Variants in FAM78B observed in about 807,000 individuals in gnomAD.
FAM78B encodes protein FAM78B.
Under a neutral mutation model 20.0 loss-of-function variants are expected in FAM78B, and 10 were observed. That is an observed-to-expected ratio of 0.50 (90% CI 0.31 to 0.85). The LOEUF (loss-of-function observed/expected upper bound fraction) is 0.85, where lower values mean the gene tolerates loss of function less well. Ranked by LOEUF, FAM78B falls within the 40% of genes least tolerant of loss-of-function variation. The pLI is 0.05. For synonymous variants in FAM78B, 135 were observed against 132.8 expected, an observed-to-expected ratio of 1.02 and a Z score of -0.12; for missense variants, 283 against 345.0, an observed-to-expected ratio of 0.82 and a Z score of 1.42.
At chr1:166,061,573 T>G (rs1651599970) in intron 2 of FAM78B, among the ~76,000 whole-genome samples, 1 of 152,176 alleles carries the variant, frequency 6.6e-6, no homozygotes, top group Non-Finnish European at 1.5e-5. Context: ...CCATTACATA[T>G]ATAATTGGGG....
intron 1 of FAM78B, among the ~76,000 whole-genome samples, chr1:166,141,379 T>C (rs1331834338): frequency 6.6e-6 from 1 of 152,236 alleles, no homozygotes; most frequent in African/African-American, 2.4e-5. Flanking sequence ...ACGCAAGATA[T>C]TCCTCTCCCT....
intron 1 of FAM78B, among the ~76,000 whole-genome samples, chr1:166,111,739 A>T (rs1654066664): frequency 6.6e-6 from 1 of 152,210 alleles, no homozygotes; most frequent in Non-Finnish European, 1.5e-5. Context: ...AGGTCATCAA[A>T]GTTCACAGCA....
At chr1:166,072,477 G>C (rs746409041) in intron 1 of FAM78B, among the ~76,000 whole-genome samples, 25 of 152,170 alleles carry the variant, frequency 1.6e-4, no homozygotes, top group Non-Finnish European at 2.8e-4. Context: ...TTGCAGCTGG[G>C]GGGTAGTAGC....
intron 1 of FAM78B, among the ~76,000 whole-genome samples, chr1:166,164,486 C>G (rs1321298998): frequency 6.6e-6 from 1 of 152,234 alleles, no homozygotes; most frequent in East Asian, 1.9e-4. Flanking sequence ...TTTCTCACAT[C>G]TAGCTGTCTT....
At chr1:166,130,981 CTTTTT>C (rs869158425) in intron 1 of FAM78B, among the ~76,000 whole-genome samples, 1 of 114,064 alleles carries the variant, frequency 8.8e-6, no homozygotes, top group Non-Finnish European at 1.8e-5. Flanking sequence ...TCCCCAGGTG[CTTTTT>C]TTTTTTTTTT....
At chr1:166,107,655 A>G (rs150773185) in intron 1 of FAM78B, among the ~76,000 whole-genome samples, 29 of 152,290 alleles carry the variant, frequency 1.9e-4, no homozygotes, top group African/African-American at 7.0e-4. Flanking sequence ...AGCCAGTATC[A>G]CCCTAATACC....
At chr1:166,109,852 A>ATGTGTG (rs1376275588) in intron 1 of FAM78B, among the ~76,000 whole-genome samples, 6 of 25,448 alleles carry the variant, frequency 2.4e-4, no homozygotes, top group African/African-American at 6.7e-4. Context: ...ATATATATAT[A>ATGTGTG]TATATATATG....
At chr1:166,081,048 T>C (rs929245131) in intron 1 of FAM78B, 3 of 152,250 alleles carry the variant, frequency 2.0e-5, no homozygotes, top group African/African-American at 7.2e-5. Flanking sequence ...TTCCGCACTG[T>C]TTATATCAGA....
chr1:166,150,110 G>A (rs2101797186), intron 1 of FAM78B, among the ~76,000 whole-genome samples: 1 of 152,268 alleles, frequency 6.6e-6, no homozygotes, highest in Middle Eastern at 3.4e-3. Context: ...GCCTCAGGGG[G>A]GGTTTGTGAT....
chr1:166,068,848 T>C (rs1485333332), downstream of FAM78B, among the ~76,000 whole-genome samples: 1 of 152,128 alleles, frequency 6.6e-6, no homozygotes, highest in Non-Finnish European at 1.5e-5. Context: ...AGCTCTTTTT[T>C]TGAGGTGGGG....
chr1:166,068,483 A>G (rs61835072), downstream of FAM78B, among the ~76,000 whole-genome samples: 1,420 of 152,380 alleles, frequency 9.3e-3, 11 homozygotes, highest in Middle Eastern at 0.02. Context: ...TTAACACTAC[A>G]TAATTTGGAG....
In FAM78B at chr1:166,132,156, T is replaced by C. The variant is rs140558339; in HGVS notation, c.263+33830A>G. 2.0e-3 allele frequency among the ~76,000 whole-genome samples: 298 copies of C among 152,316 alleles called. 1 individual carries two copies. Among genetic ancestry groups the C allele is most frequent in the African/African-American group, 6.7e-3 (279 of 41,564 alleles). On this transcript the variant is annotated intron_variant, in intron 1 of 1. Coordinates refer to ENST00000354422, the MANE Select transcript of FAM78B (RefSeq NM_001017961.5). ...CTGTCATCATAAAATAAAGTAAATA[T>C]GACATGTTTAGTGATGTCCTATCAT...
intron 1 of FAM78B, among the ~76,000 whole-genome samples, chr1:166,119,476 C>T (rs548232731): frequency 6.6e-5 from 10 of 152,328 alleles, no homozygotes; most frequent in South Asian, 2.1e-4. Context: ...AGGCCCACAT[C>T]GGGCCTCCGC....
intron 1 of FAM78B, among the ~76,000 whole-genome samples, chr1:166,110,222 C>A (rs1653998191): frequency 6.6e-6 from 1 of 151,512 alleles, no homozygotes; most frequent in Admixed American, 6.6e-5. Flanking sequence ...TAAGAACTTA[C>A]TCATGTAACC....
chr1:166,135,625 T>C (rs113462112), intron 1 of FAM78B, among the ~76,000 whole-genome samples: 2 of 152,182 alleles, frequency 1.3e-5, no homozygotes, highest in South Asian at 2.1e-4. Flanking sequence ...AGGACATAGA[T>C]AGATAGCACT....
intron 1 of FAM78B, among the ~76,000 whole-genome samples, chr1:166,092,193 G>T (rs1653104090): frequency 6.6e-6 from 1 of 152,180 alleles, no homozygotes; most frequent in Non-Finnish European, 1.5e-5. Flanking sequence ...ATTAGCTAAT[G>T]AGCTACCATC....
At position 166,069,893 on chromosome 1, in the gene FAM78B, G is replaced by T; in HGVS notation, c.*348C>A. On this transcript the variant is annotated 3_prime_UTR_variant, in exon 2 of 2. Coordinates refer to ENST00000354422, the MANE Select transcript of FAM78B (RefSeq NM_001017961.5). Reference sequence around the variant, plus strand: ...GGCTGGGAAGCAGCATTTGCCACAGGCACTGTTTAATTTCGTTTCCATCCC... The same window carrying T: ...GGCTGGGAAGCAGCATTTGCCACAGTCACTGTTTAATTTCGTTTCCATCCC... 2.5e-6 allele frequency: 2 copies of T among 786,304 alleles called. No homozygotes were observed. The highest frequency in any genetic ancestry group is 3.1e-6 in the Non-Finnish European group (2 of 640,520). 48.7% of individuals were successfully genotyped at this position (786,304 alleles called of 1,614,324 possible).
intron 1 of FAM78B, among the ~76,000 whole-genome samples, chr1:166,143,754 A>G (rs1404174186): frequency 2.0e-5 from 3 of 152,142 alleles, no homozygotes; most frequent in Non-Finnish European, 2.9e-5. Flanking sequence ...GATCTGAGAA[A>G]GATCAAGAGG....
chr1:166,130,892 G>GT (rs1170061763), intron 1 of FAM78B, among the ~76,000 whole-genome samples: 1 of 151,156 alleles, frequency 6.6e-6, no homozygotes, highest in African/African-American at 2.4e-5. Context: ...AACCAACAAA[G>GT]AATGCTGTCA....
Sources: allele counts gnomAD v4.1 joint callset (sites outside exome capture counted in the v4.1 genomes callset), GRCh38; gene constraint gnomAD v4.1.1; transcripts MANE v1.5; gene names NCBI Gene and HGNC (gene_info 2026-07-23, HGNC 2026-07-21).